Variants in KMT2C observed in about 807,000 individuals in gnomAD.
The protein encoded by KMT2C is histone-lysine N-methyltransferase 2C.
A neutral mutation model predicts 507.9 loss-of-function variants in KMT2C; 88 were observed. That is an observed-to-expected ratio of 0.17 (90% CI 0.15 to 0.21). The LOEUF is 0.21. Ranked by LOEUF, KMT2C falls within the 10% of genes least tolerant of loss-of-function variation. The pLI is 1.00. For synonymous variants in KMT2C, 2,049 were observed against 2,080.8 expected (o/e 0.98, Z 0.42); for missense variants, 4,954 against 5,957.8 (o/e 0.83, Z 5.55).
intron 1 of KMT2C, among the ~76,000 whole-genome samples, chr7:152,377,890 A>C (rs998378194): frequency 6.6e-6 from 1 of 152,230 alleles, no homozygotes; most frequent in Non-Finnish European, 1.5e-5. Flanking sequence ...GTCTGGAAGA[A>C]GTTGATTCCA....
chr7:152,146,364 T>C (rs2091097234), intron 53 of KMT2C, among the ~76,000 whole-genome samples: 1 of 152,168 alleles, frequency 6.6e-6, no homozygotes, highest in Non-Finnish European at 1.5e-5. Context: ...TCACCCCTGC[T>C]TGCCTCCAGC....
chr7:152,294,949 T>A (rs929731694), intron 6 of KMT2C, among the ~76,000 whole-genome samples: 1 of 152,204 alleles, frequency 6.6e-6, no homozygotes, highest in Non-Finnish European at 1.5e-5. Context: ...CCACTGCTAG[T>A]TAGGAAAACT....
intron 51 of KMT2C, among the ~76,000 whole-genome samples, chr7:152,149,918 G>C (rs965952107): frequency 6.7e-6 from 1 of 149,056 alleles, no homozygotes; most frequent in African/African-American, 2.5e-5. Flanking sequence ...ACTATCTGGT[G>C]AAAAAAAAAA....
In KMT2C at chr7:152,181,531, G is replaced by A. The variant is rs1331448603; in HGVS notation, c.6329C>T (p.Ala2110Val). ...TPHPAVNESFAHPSRAFSQPG... is the reference protein window; with the variant it reads ...TPHPAVNESFVHPSRAFSQPG... ...CTGGGAAAAAGCCCTTGAAGGATGG[G>A]CAAAAGATTCATTCACTGCTGGATG... Residue 2110 changes from alanine (A) to valine (V), a missense_variant, in exon 36 of 59, where the codon GCC becomes GTC. This residue lies in a region of KMT2C where 1,689 missense variants were observed against 1,654.3 expected (regional missense o/e 1.02). Coordinates refer to ENST00000262189, the MANE Select transcript of KMT2C (RefSeq NM_170606.3). The A allele has an allele frequency of 2.5e-6, 4 of 1,614,018 alleles. No individual in the cohort carries two copies. The highest frequency in any genetic ancestry group is 1.1e-5 in the South Asian group (1 of 91,070).
Position 152,392,178 on chromosome 7 carries a change from T to C in KMT2C, c.162-33503A>G, listed in dbSNP as rs192108028. ...AAGTTACCATGCAAAAAAATATAAA[T>C]GTATCTCATTTATCTGTTCTCCCCT... On this transcript the variant is annotated intron_variant, in intron 1 of 58. Transcript: ENST00000262189. 2.2e-3 allele frequency among the ~76,000 whole-genome samples: 337 copies of C among 152,188 alleles called. 3 individuals are homozygous for C. The highest frequency in any genetic ancestry group is 0.01 in the Middle Eastern group (3 of 294).
intron 2 of KMT2C, among the ~76,000 whole-genome samples, chr7:152,343,920 G>A (rs1044129034): frequency 3.9e-5 from 6 of 152,022 alleles, no homozygotes; most frequent in Admixed American, 1.3e-4. Context: ...GAACAAGAAC[G>A]GTACAGGTCA....
chr7:152,383,312 T>C (rs1184203077), intron 1 of KMT2C, among the ~76,000 whole-genome samples: 1 of 152,204 alleles, frequency 6.6e-6, no homozygotes, highest in Non-Finnish European at 1.5e-5. Context: ...TGAATGGCAG[T>C]CTTACAAAAC....
At chr7:152,194,372 CAAAAATCTTT>C (rs1451670658) in intron 29 of KMT2C, 58 bp downstream of exon 29, 3 of 1,510,714 alleles carry the variant, frequency 2.0e-6, no homozygotes, top group Non-Finnish European at 2.7e-6. Flanking sequence ...TATAACCATG[CAAAAATCTTT>C]AAAAATCATA....
chr7:152,256,497 T>C (rs948992230), intron 9 of KMT2C, among the ~76,000 whole-genome samples: 1 of 152,034 alleles, frequency 6.6e-6, no homozygotes, highest in African/African-American at 2.4e-5. Flanking sequence ...AGGTCAAGGC[T>C]ACAGTGAACT....
intron 1 of KMT2C, among the ~76,000 whole-genome samples, chr7:152,426,388 C>T (rs1383383876): frequency 1.3e-5 from 2 of 152,018 alleles, no homozygotes; most frequent in South Asian, 2.1e-4. Flanking sequence ...CAAGTGCATA[C>T]CACCGCATCC....
chr7:152,295,874 A>G (rs913546247), intron 6 of KMT2C, among the ~76,000 whole-genome samples: 86 of 151,144 alleles, frequency 5.7e-4, no homozygotes, highest in African/African-American at 2.0e-3. Context: ...AGACCATCCT[A>G]GCTAACACGG....
intron 6 of KMT2C, among the ~76,000 whole-genome samples, chr7:152,289,453 T>C (rs73483075): frequency 1.3e-5 from 2 of 152,192 alleles, no homozygotes; most frequent in South Asian, 2.1e-4. Context: ...TGTTACACCA[T>C]AGTTTTTCTT....
chr7:152,209,834 A>G (rs756034428), intron 23 of KMT2C, among the ~76,000 whole-genome samples: 2 of 152,114 alleles, frequency 1.3e-5, no homozygotes, highest in Non-Finnish European at 2.9e-5. Context: ...TGAAAAAAAG[A>G]ATCCAGTTTA....
intron 55 of KMT2C, among the ~76,000 whole-genome samples, chr7:152,140,462 C>A (rs1276643194): frequency 6.6e-6 from 1 of 152,202 alleles, no homozygotes; most frequent in Non-Finnish European, 1.5e-5. Context: ...CTGCCAGGTG[C>A]ACTATTCAGG....
chr7:152,423,084 T>C (rs954662534), intron 1 of KMT2C, among the ~76,000 whole-genome samples: 2 of 150,442 alleles, frequency 1.3e-5, no homozygotes, highest in African/African-American at 4.9e-5. Context: ...CTCACGCCTG[T>C]AATTCCAAAA....
At chr7:152,427,391 T>C (rs2097829325) in intron 1 of KMT2C, among the ~76,000 whole-genome samples, 1 of 152,246 alleles carries the variant, frequency 6.6e-6, no homozygotes, top group Non-Finnish European at 1.5e-5. Context: ...TGGGTTTATG[T>C]GCTTTTCACA....
At position 152,368,618 on chromosome 7, in the gene KMT2C, C is replaced by T. The variant is rs1280725246; in HGVS notation, c.162-9943G>A. 14 of 1,451,002 alleles carry T rather than the reference C, an allele frequency of 9.6e-6. No homozygotes were observed. In the East Asian group the frequency reaches 1.6e-4, roughly 17 times the overall value. The allele number at this position is 1,451,002 out of a possible 1,614,324, so 89.9% of individuals were successfully genotyped here. A position where few individuals can be genotyped will look rare whatever the true frequency, so the allele number is the denominator to read the frequency against. ...CAACATATTTTAGAACAGAACTCTT[C>T]GAGAACCTTGGAAAAGAACAAGAAG... On this transcript the variant is annotated intron_variant, in intron 1 of 58. Coordinates refer to ENST00000262189, the MANE Select transcript of KMT2C (RefSeq NM_170606.3).
chr7:152,398,034 A>G (rs1450306336), intron 1 of KMT2C, among the ~76,000 whole-genome samples: 1 of 152,204 alleles, frequency 6.6e-6, no homozygotes, highest in East Asian at 1.9e-4. Context: ...GTGTGTTTCA[A>G]TGCCATCACT....
intron 7 of KMT2C, among the ~76,000 whole-genome samples, chr7:152,268,708 G>A (rs543456392): frequency 6.6e-5 from 10 of 152,130 alleles, no homozygotes; most frequent in East Asian, 3.9e-4. Flanking sequence ...TTTGCTCACC[G>A]TAAAACTTTT....
Sources: allele counts gnomAD v4.1 joint callset (sites outside exome capture counted in the v4.1 genomes callset), GRCh38; gene constraint gnomAD v4.1.1; regional missense constraint gnomAD v4.1.1; transcripts MANE v1.5; gene names NCBI Gene and HGNC (gene_info 2026-07-23, HGNC 2026-07-21).